PACRG: variants seen among roughly 807,000 people sequenced by gnomAD.
The protein encoded by PACRG is parkin coregulated gene protein.
PACRG carries 29 observed loss-of-function variants against 29.7 expected under a neutral mutation model. The ratio of observed to expected loss-of-function variants is 0.98; its 90% confidence interval spans 0.73 to 1.33. The LOEUF is 1.33. Ranked by LOEUF, PACRG falls within the 40% of genes most tolerant of loss-of-function variation. The probability of loss-of-function intolerance (pLI) is 0.00; values close to 1 mark genes in which losing one functional copy is unlikely to be tolerated. For missense variants in PACRG, 279 were observed against 316.2 expected (o/e 0.88, Z 0.89); for synonymous variants, 116 against 118.7 (o/e 0.98, Z 0.15).
intron 2 of PACRG, among the ~76,000 whole-genome samples, chr6:163,040,261 A>G (rs1471242558): frequency 6.6e-6 from 1 of 152,230 alleles, no homozygotes; most frequent in Non-Finnish European, 1.5e-5. Context: ...ACAGAAGACA[A>G]GAGTTGAGGT....
chr6:163,257,801 G>T (rs1000290333), intron 4 of PACRG, among the ~76,000 whole-genome samples: 1 of 152,124 alleles, frequency 6.6e-6, no homozygotes, highest in African/African-American at 2.4e-5. Context: ...ATTGCCAAGG[G>T]TCTCTTGTGG....
intron 1 of PACRG, among the ~76,000 whole-genome samples, chr6:162,803,991 G>A (rs1414591981): frequency 6.6e-6 from 1 of 152,034 alleles, no homozygotes; most frequent in Non-Finnish European, 1.5e-5. Context: ...CAAATAGTAG[G>A]TGGAATATTA....
intron 2 of PACRG, among the ~76,000 whole-genome samples, chr6:162,835,340 A>G (rs941425961): frequency 4.6e-5 from 7 of 152,084 alleles, no homozygotes; most frequent in Admixed American, 2.0e-4. Context: ...AGCAAATTCC[A>G]TTTCTAAAAA....
At chr6:163,041,202 T>C (rs1470768365) in intron 2 of PACRG, among the ~76,000 whole-genome samples, 1 of 151,974 alleles carries the variant, frequency 6.6e-6, no homozygotes, top group Non-Finnish European at 1.5e-5. Flanking sequence ...CTGGGCGTGG[T>C]GGCGGGCGCC....
intron 4 of PACRG, among the ~76,000 whole-genome samples, chr6:163,270,967 A>G (rs1272630525): frequency 2.6e-5 from 4 of 152,136 alleles, no homozygotes; most frequent in African/African-American, 4.8e-5. Context: ...ATTGACTCAC[A>G]TGATTACAAG....
intron 2 of PACRG, among the ~76,000 whole-genome samples, chr6:163,008,788 A>G (rs1035701580): frequency 6.6e-6 from 1 of 151,696 alleles, no homozygotes; most frequent in African/African-American, 2.4e-5. Flanking sequence ...GGAGCTTCTA[A>G]TCTACTAAAC....
At chr6:163,223,436 T>C (rs1310407986) in intron 4 of PACRG, among the ~76,000 whole-genome samples, 3 of 151,966 alleles carry the variant, frequency 2.0e-5, no homozygotes, top group East Asian at 3.9e-4. Flanking sequence ...AAGGATAAAC[T>C]AAAATACTGA....
intron 4 of PACRG, among the ~76,000 whole-genome samples, chr6:163,090,791 G>T (rs1814036530): frequency 6.6e-6 from 1 of 152,174 alleles, no homozygotes; most frequent in African/African-American, 2.4e-5. Context: ...AAGATGTTCT[G>T]CTAGAGATGA....
chr6:163,081,156 G>C (rs948240012), intron 3 of PACRG, among the ~76,000 whole-genome samples: 22 of 152,068 alleles, frequency 1.4e-4, no homozygotes, highest in Non-Finnish European at 2.8e-4. Context: ...AAAATTATAT[G>C]GTTGGCACTC....
In PACRG at chr6:163,269,943, G is replaced by C. The variant is rs1381623337; in HGVS notation, c.614-44884G>C. ...GAAAGAAAGAAAACAAAGAAAGAAA[G>C]AAAGAAAGAAAGAAAGAAAGAAAGA... On this transcript the variant is annotated intron_variant, in intron 4 of 4. Coordinates refer to ENST00000366888, the MANE Select transcript of PACRG (RefSeq NM_001080379.2). Among the ~76,000 whole-genome samples, 238 of 26,908 alleles carry C rather than the reference G, an allele frequency of 8.8e-3. 6 individuals carry two copies. The highest frequency in any genetic ancestry group is 0.021 in the African/African-American group (107 of 5,110). The allele number at this position is 26,908 out of a possible 152,430, so 17.7% of individuals were successfully genotyped here. A position where few individuals can be genotyped will look rare whatever the true frequency, so the allele number is the denominator to read the frequency against.
chr6:163,060,910 C>CT (rs1177431703), intron 2 of PACRG: 4 of 151,798 alleles, frequency 2.6e-5, no homozygotes, highest in African/African-American at 9.7e-5. Context: ...CAGAATATCA[C>CT]TTTTTATCCC....
At chr6:163,094,389 G>C (rs1814382699) in intron 4 of PACRG, among the ~76,000 whole-genome samples, 1 of 152,132 alleles carries the variant, frequency 6.6e-6, no homozygotes, top group South Asian at 2.1e-4. Context: ...GAAATTATTA[G>C]AACTACTGCC....
chr6:162,818,426 G>A (rs1290111452), intron 2 of PACRG, among the ~76,000 whole-genome samples: 1 of 152,080 alleles, frequency 6.6e-6, no homozygotes, highest in Non-Finnish European at 1.5e-5. Flanking sequence ...TTTCCATATG[G>A]GCACCTGGGG....
intron 2 of PACRG, among the ~76,000 whole-genome samples, chr6:162,856,294 A>AGC (rs1791389858): frequency 1.3e-5 from 2 of 152,144 alleles, no homozygotes; most frequent in Admixed American, 1.3e-4. Context: ...CCTGGCCTCA[A>AGC]GCTATCTTCC....
chr6:163,254,475 A>G (rs183584904), intron 4 of PACRG, among the ~76,000 whole-genome samples: 1 of 152,328 alleles, frequency 6.6e-6, no homozygotes, highest in East Asian at 1.9e-4. Flanking sequence ...TGCTACAAGT[A>G]ATAGACAAAG....
chr6:163,049,259 A>G (rs888572991), intron 2 of PACRG, among the ~76,000 whole-genome samples: 3 of 152,102 alleles, frequency 2.0e-5, no homozygotes, highest in Non-Finnish European at 4.4e-5. Context: ...GAACTAGTCA[A>G]TAAATACAAT....
chr6:163,230,894 G>A (rs1286795478), intron 4 of PACRG, among the ~76,000 whole-genome samples: 1 of 152,216 alleles, frequency 6.6e-6, no homozygotes, highest in South Asian at 2.1e-4. Context: ...GAGAGAGGAG[G>A]AGGTAGGTAA....
chr6:162,825,954 T>G (rs1788238045), intron 2 of PACRG, among the ~76,000 whole-genome samples: 1 of 152,116 alleles, frequency 6.6e-6, no homozygotes, highest in South Asian at 2.1e-4. Flanking sequence ...TTTATTTTAT[T>G]TTATTTTTCT....
At chr6:163,262,958 G>A (rs145232775) in intron 4 of PACRG, among the ~76,000 whole-genome samples, 63 of 150,386 alleles carry the variant, frequency 4.2e-4, no homozygotes, top group Non-Finnish European at 7.5e-4. Context: ...AGGCTGAGGC[G>A]GGAGATCTCC....
Sources: gnomAD v4.1 joint callset for allele counts (sites outside exome capture counted in the v4.1 genomes callset) on GRCh38, gnomAD v4.1.1 for gene constraint, MANE v1.5 for transcripts, NCBI Gene and HGNC (gene_info 2026-07-23, HGNC 2026-07-21) for gene names.